Variants in MPPED1 observed in about 807,000 individuals in gnomAD.
MPPED1 encodes the protein metallophosphoesterase domain containing 1, also known as metallophosphoesterase domain-containing protein 1.
MPPED1 carries 16 observed loss-of-function variants against 36.2 expected under a neutral mutation model. That is an observed-to-expected ratio of 0.44 (90% CI 0.30 to 0.67). The LOEUF (loss-of-function observed/expected upper bound fraction) is 0.67, where lower values mean the gene tolerates loss of function less well. Among genes scored for constraint, MPPED1 ranks in the 30% least tolerant of loss-of-function variants. MPPED1 has a pLI of 0.10. For synonymous variants in MPPED1, 199 were observed against 191.3 expected (o/e 1.04, Z -0.33); for missense variants, 307 against 453.4 (o/e 0.68, Z 2.93).
chr22:43,497,654 G>A (rs2146917783), intron 4 of MPPED1, among the ~76,000 whole-genome samples: 1 of 151,940 alleles, frequency 6.6e-6, no homozygotes, highest in East Asian at 1.9e-4. Context: ...AATGGTCTAG[G>A]TCCACCTGGC....
chr22:43,500,314 A>T (rs1012085601), intron 5 of MPPED1, among the ~76,000 whole-genome samples: 197 of 13,450 alleles, frequency 0.015, no homozygotes, highest in Admixed American at 0.023. Flanking sequence ...ATGGTGATGG[A>T]GGTGGTGATG....
chr22:43,433,271 G>C (rs1929830035), intron 2 of MPPED1, among the ~76,000 whole-genome samples: 1 of 152,096 alleles, frequency 6.6e-6, no homozygotes, highest in African/African-American at 2.4e-5. Context: ...CCCCTCTGCT[G>C]CCCTGTCAAA....
intron 3 of MPPED1, among the ~76,000 whole-genome samples, chr22:43,440,686 C>T (rs562623494): frequency 4.5e-4 from 68 of 152,250 alleles, no homozygotes; most frequent in Admixed American, 2.4e-3. Flanking sequence ...AGGAAGCCTG[C>T]AGCCTCCGCA....
At chr22:43,412,489 G>A (rs1444307179) in intron 1 of MPPED1, among the ~76,000 whole-genome samples, 1 of 152,164 alleles carries the variant, frequency 6.6e-6, no homozygotes, top group Non-Finnish European at 1.5e-5. Flanking sequence ...GAGTGCCAGT[G>A]ATGATGATAG....
chr22:43,505,052 A>G (rs530210567), intron 6 of MPPED1, among the ~76,000 whole-genome samples: 1 of 151,518 alleles, frequency 6.6e-6, no homozygotes, highest in Admixed American at 6.6e-5. Context: ...GTTGGTGATG[A>G]TGTTGATCAT....
chr22:43,419,191 G>A (rs1287226414), intron 1 of MPPED1: 2 of 152,208 alleles, frequency 1.3e-5, no homozygotes, highest in Non-Finnish European at 2.9e-5. Context: ...AAAGGCCTGT[G>A]TAGTTTCTCT....
chr22:43,482,682 C>T (rs1003839843), intron 4 of MPPED1, among the ~76,000 whole-genome samples: 2 of 152,208 alleles, frequency 1.3e-5, no homozygotes, highest in Admixed American at 1.3e-4. Context: ...GGCATTCATA[C>T]ACCTGCTGCT....
At chr22:43,418,463 G>C (rs1929153096) in intron 1 of MPPED1, 1 of 293,002 alleles carries the variant, frequency 3.4e-6, no homozygotes, top group Non-Finnish European at 6.7e-6. Context: ...TTCATCTGCT[G>C]CTGAGATGCT....
At chr22:43,445,734 C>A (rs1930316379) in intron 3 of MPPED1, among the ~76,000 whole-genome samples, 1 of 151,734 alleles carries the variant, frequency 6.6e-6, no homozygotes, top group Non-Finnish European at 1.5e-5. Context: ...CCATGCCTGG[C>A]TAATTTTTGT....
chr22:43,439,065 T>TAAGAC lies in MPPED1; in HGVS notation c.406+3862_406+3866dup, dbSNP rs367609004. Among the ~76,000 whole-genome samples, 580 of 152,366 alleles carry TAAGAC rather than the reference T, an allele frequency of 3.8e-3. 1 individual carries two copies. The highest frequency in any genetic ancestry group is 0.017 in the Middle Eastern group (5 of 294). ...AAAAAATTAATAAAGACCTACCGTATAAGACAAGACAAGACATCTAACGGG... is the reference window on the plus strand; with the variant it reads ...AAAAAATTAATAAAGACCTACCGTATAAGACAAGACAAGACAAGACATCTAACGGG... On this transcript the variant is annotated intron_variant, in intron 3 of 6. Coordinates refer to ENST00000443721, the MANE Select transcript of MPPED1 (RefSeq NM_001044370.2).
At chr22:43,459,807 A>T (rs920109340) in intron 3 of MPPED1, among the ~76,000 whole-genome samples, 2 of 152,078 alleles carry the variant, frequency 1.3e-5, no homozygotes, top group Non-Finnish European at 2.9e-5. Context: ...TTATTTAGTT[A>T]TATCCACCAT....
At chr22:43,440,120 C>A (rs569154138) in intron 3 of MPPED1, among the ~76,000 whole-genome samples, 1 of 152,244 alleles carries the variant, frequency 6.6e-6, no homozygotes, top group Non-Finnish European at 1.5e-5. Context: ...GGCATGCTGA[C>A]CCCGCTGACG....
intron 5 of MPPED1, among the ~76,000 whole-genome samples, chr22:43,500,386 T>TGGA: frequency 6.7e-6 from 1 of 148,294 alleles, no homozygotes; most frequent in Non-Finnish European, 1.5e-5. Context: ...GTGGTGGTGA[T>TGGA]GGTGATGGAG....
intron 4 of MPPED1, among the ~76,000 whole-genome samples, chr22:43,482,810 G>A (rs987424650): frequency 1.3e-5 from 2 of 152,238 alleles, no homozygotes; most frequent in Non-Finnish European, 2.9e-5. Flanking sequence ...GGGGTGGGTC[G>A]TGGCACTGGC....
intron 4 of MPPED1, among the ~76,000 whole-genome samples, chr22:43,497,564 G>A (rs1452389218): frequency 1.3e-5 from 2 of 152,046 alleles, no homozygotes; most frequent in East Asian, 1.9e-4. Context: ...GTTCACCACT[G>A]AACTGACTAG....
chr22:43,463,871 C>CTTTT (rs1213952431), intron 3 of MPPED1, among the ~76,000 whole-genome samples: 1 of 96,308 alleles, frequency 1.0e-5, no homozygotes, highest in Non-Finnish European at 2.2e-5. Context: ...TTCTTTCTTT[C>CTTTT]TTTCTCTTTC....
chr22:43,424,282 C>A (rs1929378180), intron 1 of MPPED1, among the ~76,000 whole-genome samples: 1 of 152,242 alleles, frequency 6.6e-6, no homozygotes, highest in South Asian at 2.1e-4. Context: ...GCACTACCAT[C>A]CCTGAGCCAG....
intron 4 of MPPED1, among the ~76,000 whole-genome samples, chr22:43,489,753 A>T (rs1252391032): frequency 6.6e-6 from 1 of 152,116 alleles, no homozygotes; most frequent in Non-Finnish European, 1.5e-5. Flanking sequence ...TCCTGACCTG[A>T]GGTGATCCAC....
At position 43,501,683 on chromosome 22, in the gene MPPED1, C is replaced by T. The variant is rs542765082; in HGVS notation, c.749-961C>T. 3.0e-4 allele frequency among the ~76,000 whole-genome samples: 46 copies of T among 152,260 alleles called. No homozygotes were observed. The South Asian group carries it at 9.4e-3, about 31-fold the overall frequency. ...CAGCCCAGCACTCTATTGGATGAAA[C>T]GGAGGCACAGAGAGGTTAAGTGGCT... is the stretch of plus-strand genomic sequence containing the variant. On this transcript the variant is annotated intron_variant, in intron 5 of 6. Coordinates refer to ENST00000443721, the MANE Select transcript of MPPED1 (RefSeq NM_001044370.2).
Sources: allele counts gnomAD v4.1 joint callset (sites outside exome capture counted in the v4.1 genomes callset), GRCh38; gene constraint gnomAD v4.1.1; transcripts MANE v1.5; gene names NCBI Gene and HGNC (gene_info 2026-07-23, HGNC 2026-07-21).